The following THNSL1 variants were observed in gnomAD, a reference collection of about 807,000 sequenced individuals.
The protein encoded by THNSL1 is threonine synthase like 1.
Under a neutral mutation model 50.4 loss-of-function variants are expected in THNSL1, and 48 were observed. That is an observed-to-expected ratio of 0.95 (90% CI 0.76 to 1.21). The LOEUF (loss-of-function observed/expected upper bound fraction) is 1.21, where lower values mean the gene tolerates loss of function less well. Ranked by LOEUF, THNSL1 falls within the 50% of genes most tolerant of loss-of-function variation. THNSL1 has a pLI of 0.00. For synonymous variants in THNSL1, 309 were observed against 306.1 expected (o/e 1.01, Z -0.10); for missense variants, 896 against 871.7 (o/e 1.03, Z -0.35).
chr10:24,959,536 T>C, the THNSL1 span, among the ~76,000 whole-genome samples: 4 of 152,238 alleles, frequency 2.6e-5, no homozygotes, highest in Non-Finnish European at 5.9e-5. Flanking sequence ...TTTTGATTCA[T>C]TAGGTTTGAG....
At chr10:24,984,963 G>A in the THNSL1 span, 1 of 1,318,102 alleles carries the variant, frequency 7.6e-7, no homozygotes, top group East Asian at 2.3e-5. Flanking sequence ...TAAAGGAAAT[G>A]GGAAAAGCTA....
the THNSL1 span, among the ~76,000 whole-genome samples, chr10:24,957,995 G>T: frequency 1.3e-5 from 2 of 151,672 alleles, no homozygotes; most frequent in Non-Finnish European, 2.9e-5. Flanking sequence ...ATTTTTTTTT[G>T]ACATTTTGGT....
upstream of THNSL1, among the ~76,000 whole-genome samples, chr10:25,011,680 T>C (rs4748994): frequency 0.45 from 68,966 of 151,998 alleles, 16,843 homozygotes; most frequent in African/African-American, 0.65. Flanking sequence ...TGGGCAAGGT[T>C]TTCATGTCTA....
chr10:24,980,883 A>C, the THNSL1 span, among the ~76,000 whole-genome samples: 1 of 128,632 alleles, frequency 7.8e-6, no homozygotes, highest in Non-Finnish European at 1.6e-5. Context: ...TACCCAGCTA[A>C]GTTTTGTATT....
chr10:25,012,028 C>T (rs1850458378), upstream of THNSL1, among the ~76,000 whole-genome samples: 1 of 152,190 alleles, frequency 6.6e-6, no homozygotes, highest in Non-Finnish European at 1.5e-5. Flanking sequence ...ACTTGGTGCC[C>T]TGAGTCACAG....
At chr10:25,013,327 CAG>C (rs1291111104), upstream of THNSL1, among the ~76,000 whole-genome samples, 2 of 152,126 alleles carry the variant, frequency 1.3e-5, no homozygotes, top group African/African-American at 2.4e-5. Flanking sequence ...GAATGGTTAA[CAG>C]AATGTATAAA....
chr10:24,984,650 C>T, the THNSL1 span: 3 of 1,291,748 alleles, frequency 2.3e-6, no homozygotes, highest in Non-Finnish European at 2.1e-6. Flanking sequence ...TAGTATTTTC[C>T]TTTTTGAAAA....
the THNSL1 span, chr10:24,990,670 C>T: frequency 3.3e-3 from 4,807 of 1,445,062 alleles, 141 homozygotes; most frequent in African/African-American, 0.061. Context: ...CATATGGGTA[C>T]GTATCAACTG....
chr10:25,017,452 C>G (rs1201170115), intron 1 of THNSL1, among the ~76,000 whole-genome samples: 2 of 152,216 alleles, frequency 1.3e-5, no homozygotes, highest in East Asian at 1.9e-4. Flanking sequence ...GGAGAGAAAA[C>G]ACACTTGAGT....
In THNSL1 at chr10:25,024,926, A is replaced by G; in HGVS notation, c.1703A>G (p.Lys568Arg). The G allele has an allele frequency of 6.2e-7, 1 of 1,613,950 alleles. No homozygotes were observed. Among genetic ancestry groups the G allele is most frequent in the Non-Finnish European group, 8.5e-7 (1 of 1,180,016 alleles). Residue 568 changes from lysine to arginine, a missense_variant, in exon 3 of 3, where the codon AAA (lysine) becomes AGA (arginine). Lys to Arg is a conservative substitution (Grantham distance 26). Transcript: ENST00000376356. ...TTTTCACCGTCAATAGATATTCTCA[A>G]ATCTTCAAACCTAGAACGACATTTA... ...QTFSPSIDILKSSNLERHLHL... is the reference protein window; with the variant it reads ...QTFSPSIDILRSSNLERHLHL...
chr10:24,967,165 T>C, the THNSL1 span, among the ~76,000 whole-genome samples: 7 of 152,098 alleles, frequency 4.6e-5, no homozygotes, highest in African/African-American at 1.7e-4. Context: ...CTTTTTCTGG[T>C]ATGTGTGTAT....
the THNSL1 span, among the ~76,000 whole-genome samples, chr10:24,967,268 A>T: frequency 1.3e-5 from 2 of 151,980 alleles, no homozygotes; most frequent in Non-Finnish European, 2.9e-5. Context: ...GCTGGTCCAG[A>T]CTGCCCGTTC....
chr10:24,999,482 T>A, the THNSL1 span: 1 of 1,613,330 alleles, frequency 6.2e-7, no homozygotes, highest in Non-Finnish European at 8.5e-7. Flanking sequence ...GGTCCCATAG[T>A]TTTCATTGCA....
the THNSL1 span, chr10:24,984,109 G>A: frequency 2.5e-6 from 1 of 398,872 alleles, no homozygotes; most frequent in African/African-American, 2.0e-5. Flanking sequence ...GCCTTTATAA[G>A]TTGTCATCTT....
chr10:24,999,548 T>A, the THNSL1 span: 1 of 1,597,058 alleles, frequency 6.3e-7, no homozygotes, highest in Non-Finnish European at 8.5e-7. Context: ...GATATGTACC[T>A]AAAATTGAAT....
At chr10:24,969,354 CT>C in the THNSL1 span, among the ~76,000 whole-genome samples, 1 of 152,144 alleles carries the variant, frequency 6.6e-6, no homozygotes, top group East Asian at 1.9e-4. Flanking sequence ...TTTCATAACT[CT>C]TTTTCTGTAT....
chr10:24,980,742 A>C, the THNSL1 span, among the ~76,000 whole-genome samples: 1 of 152,026 alleles, frequency 6.6e-6, no homozygotes, highest in Non-Finnish European at 1.5e-5. Context: ...TTCAAGATAG[A>C]GTCTCCCTCT....
chr10:24,974,382 G>A, the THNSL1 span, among the ~76,000 whole-genome samples: 1 of 151,994 alleles, frequency 6.6e-6, no homozygotes, highest in African/African-American at 2.4e-5. Context: ...TATCAGTCGG[G>A]AATAATAAAA....
chr10:24,968,632 C>T, the THNSL1 span, among the ~76,000 whole-genome samples: 6,717 of 152,234 alleles, frequency 0.044, 390 homozygotes, highest in African/African-American at 0.13. Context: ...CCTTCAGCTG[C>T]GGCCTTTCTA....
Sources: allele counts gnomAD v4.1 joint callset (sites outside exome capture counted in the v4.1 genomes callset), GRCh38; gene constraint gnomAD v4.1.1; transcripts MANE v1.5; gene names NCBI Gene and HGNC (gene_info 2026-07-23, HGNC 2026-07-21).